Variants in BPIFC observed in about 807,000 individuals in gnomAD.
The protein encoded by BPIFC is BPI fold containing family C, also known as BPI fold-containing family C protein.
A neutral mutation model predicts 57.6 loss-of-function variants in BPIFC; 60 were observed. The ratio of observed to expected loss-of-function variants is 1.04; its 90% confidence interval spans 0.85 to 1.29. The LOEUF (loss-of-function observed/expected upper bound fraction) is 1.29, where lower values mean the gene tolerates loss of function less well. BPIFC is among the 50% of genes most tolerant of loss of function. BPIFC has a pLI of 0.00. For missense variants in BPIFC, 581 were observed against 600.5 expected (o/e 0.97, Z 0.34); for synonymous variants, 243 against 224.5 (o/e 1.08, Z -0.74).
intron 4 of BPIFC, 132 bp from the exon 5 acceptor site, chr22:32,447,472 T>G: frequency 9.3e-7 from 1 of 1,079,210 alleles, no homozygotes. Flanking sequence ...AAGAACCTCC[T>G]GTCTGCAAGG....
intron 5 of BPIFC, 150 bp from the exon 6 acceptor site, chr22:32,446,146 C>G (rs1240196541): frequency 1.2e-6 from 1 of 824,110 alleles, no homozygotes; most frequent in Non-Finnish European, 1.9e-6. Flanking sequence ...CAGGTAGGAG[C>G]AGAGTGGGTG....
intron 1 of BPIFC, among the ~76,000 whole-genome samples, chr22:32,461,900 G>A (rs563214382): frequency 1.6e-4 from 24 of 152,274 alleles, no homozygotes; most frequent in Middle Eastern, 3.4e-3. Flanking sequence ...TAGGCCGGGC[G>A]TGGTGGCTCA....
intron 13 of BPIFC, among the ~76,000 whole-genome samples, chr22:32,430,380 A>G (rs1934205020): frequency 6.6e-6 from 1 of 152,100 alleles, no homozygotes; most frequent in African/African-American, 2.4e-5. Context: ...AGCATGCTCT[A>G]TGAATTTGAT....
At chr22:32,461,847 C>A (rs1935166555) in intron 1 of BPIFC, among the ~76,000 whole-genome samples, 186 bp from the exon 2 acceptor site, 1 of 152,090 alleles carries the variant, frequency 6.6e-6, no homozygotes, top group Admixed American at 6.5e-5. Context: ...TGTGTTATGC[C>A]AAGACAGGCA....
At chr22:32,424,681 T>TTCG (rs1556036587) in intron 13 of BPIFC, among the ~76,000 whole-genome samples, 1 of 72,714 alleles carries the variant, frequency 1.4e-5, no homozygotes, top group African/African-American at 1.1e-4. Context: ...CTTCTTCTTC[T>TTCG]TCTTCTTCTT....
At chr22:32,416,676 G>T (rs1933688007) in intron 15 of BPIFC, among the ~76,000 whole-genome samples, 1 of 152,168 alleles carries the variant, frequency 6.6e-6, no homozygotes, top group African/African-American at 2.4e-5. Flanking sequence ...CAAGGAGAAG[G>T]CCCAGGATTG....
intron 6 of BPIFC, 23 bp downstream of exon 6, chr22:32,445,818 C>G (rs766570500): frequency 1.2e-6 from 2 of 1,613,236 alleles, no homozygotes; most frequent in Non-Finnish European, 1.7e-6. Context: ...CTAGCCACTG[C>G]CCAACCCAGG....
intron 4 of BPIFC, among the ~76,000 whole-genome samples, chr22:32,450,997 A>C (rs1156584442): frequency 6.6e-6 from 1 of 152,216 alleles, no homozygotes; most frequent in Non-Finnish European, 1.5e-5. Context: ...AGTTTTTATA[A>C]TTAAAATTAA....
intron 2 of BPIFC, among the ~76,000 whole-genome samples, chr22:32,458,765 T>C (rs1242325212): frequency 6.6e-6 from 1 of 152,216 alleles, no homozygotes; most frequent in Non-Finnish European, 1.5e-5. Context: ...TCTTTTTACT[T>C]GTCTATCCCT....
intron 7 of BPIFC, among the ~76,000 whole-genome samples, 161 bp from the exon 8 acceptor site, chr22:32,442,892 C>T (rs538917975): frequency 5.3e-5 from 8 of 152,308 alleles, no homozygotes; most frequent in South Asian, 2.1e-4. Flanking sequence ...CTATGGGCCT[C>T]GCTTTACGTA....
chr22:32,417,065 G>GT lies in BPIFC; in HGVS notation c.1324+19dup. ...TGTTAGCCGATGTTACAGTCACATT[G>GT]TTTTCCAATAATCCCTTACCATTGG... On this transcript the variant is annotated intron_variant, in intron 15 of 16. Coordinates refer to ENST00000300399, the MANE Select transcript of BPIFC (RefSeq NM_174932.3). 1 of 1,568,832 alleles carries GT rather than the reference G, an allele frequency of 6.4e-7. No homozygotes were observed. Among genetic ancestry groups the GT allele is most frequent in the Non-Finnish European group, 8.8e-7 (1 of 1,139,146 alleles).
At chr22:32,447,066 C>T in intron 5 of BPIFC, 146 bp downstream of exon 5, 1 of 1,183,596 alleles carries the variant, frequency 8.4e-7, no homozygotes, top group South Asian at 2.2e-5. Flanking sequence ...TAATTTAAGC[C>T]TCACCTGGAA....
rs564155439 is a variant in BPIFC, at chr22:32,424,011, T to C, written c.1218-4607A>G. Among the ~76,000 whole-genome samples the C allele has an allele frequency of 9.9e-5, 14 of 141,382 alleles. No individual in the cohort carries two copies. In the South Asian group the frequency reaches 2.8e-3, roughly 28 times the overall value. The allele number at this position is 141,382 out of a possible 152,430, so 92.8% of individuals were successfully genotyped here. A position where few individuals can be genotyped will look rare whatever the true frequency, so the allele number is the denominator to read the frequency against. On this transcript the variant is annotated intron_variant, in intron 13 of 16. Coordinates refer to ENST00000300399, the MANE Select transcript of BPIFC (RefSeq NM_174932.3). ...GGATCAGTTTCTCCCTGTTATTTGGTCAAAATTTGATCTTAGAATGGGGAA... is the reference window on the plus strand; with the variant it reads ...GGATCAGTTTCTCCCTGTTATTTGGCCAAAATTTGATCTTAGAATGGGGAA...
chr22:32,424,660 T>TCCTCCTCCTCCTCCTCCTCCTCCTCCTCC (rs1569448003), intron 13 of BPIFC, among the ~76,000 whole-genome samples: 2 of 61,022 alleles, frequency 3.3e-5, no homozygotes. Context: ...CTTCTTCTTC[T>TCCTCCTCCTCCTCCTCCTCCTCCTCCTCC]TCTTCTTCTT....
At chr22:32,453,541 A>G (rs1934955535) in intron 3 of BPIFC, 38 bp from the exon 4 acceptor site, 5 of 1,552,370 alleles carry the variant, frequency 3.2e-6, no homozygotes, top group Non-Finnish European at 4.3e-6. Context: ...TGATAATGAC[A>G]AAGATAATAA....
intron 2 of BPIFC, 71 bp from the exon 3 acceptor site, chr22:32,457,457 T>A (rs528255901): frequency 6.5e-7 from 1 of 1,537,380 alleles, no homozygotes; most frequent in Non-Finnish European, 8.8e-7. Context: ...AATCCAACAT[T>A]TCTAGATTTT....
chr22:32,425,385 CTAG>C (rs1445823657), intron 13 of BPIFC, among the ~76,000 whole-genome samples: 2 of 152,008 alleles, frequency 1.3e-5, no homozygotes, highest in Non-Finnish European at 2.9e-5. Context: ...GGCACAGGAC[CTAG>C]TAGATGACAA....
At position 32,427,697 on chromosome 22, in the gene BPIFC, A is replaced by T. The variant is rs549037688; in HGVS notation, c.1217+3650T>A. Among the ~76,000 whole-genome samples the T allele has an allele frequency of 5.3e-5, 8 of 152,136 alleles. No individual in the cohort carries two copies. The South Asian group carries it at 1.7e-3, about 32-fold the overall frequency. On this transcript the variant is annotated intron_variant, in intron 13 of 16. Coordinates refer to ENST00000300399, the MANE Select transcript of BPIFC (RefSeq NM_174932.3). ...CTCACCCTCATGCTCTCTGGCTTTC[A>T]TCCTCTGTATTAGAACTGCCAAATA...
chr22:32,424,681 T>TTCTTCTTCTTCC (rs1425187830), intron 13 of BPIFC, among the ~76,000 whole-genome samples: 9 of 72,728 alleles, frequency 1.2e-4, no homozygotes, highest in Non-Finnish European at 1.7e-4. Flanking sequence ...CTTCTTCTTC[T>TTCTTCTTCTTCC]TCTTCTTCTT....
Sources: allele counts gnomAD v4.1 joint callset (sites outside exome capture counted in the v4.1 genomes callset), GRCh38; gene constraint gnomAD v4.1.1; transcripts MANE v1.5; gene names NCBI Gene and HGNC (gene_info 2026-07-23, HGNC 2026-07-21).